The following LAMB1 variants were observed in gnomAD, a reference collection of about 807,000 sequenced individuals.
LAMB1 encodes the protein laminin subunit beta 1.
LAMB1 carries 121 observed loss-of-function variants against 222.3 expected under a neutral mutation model. That is an observed-to-expected ratio of 0.54 (90% CI 0.47 to 0.63). The LOEUF (loss-of-function observed/expected upper bound fraction) is 0.63. Ranked by LOEUF, LAMB1 falls within the 30% of genes least tolerant of loss-of-function variation. The pLI, the probability that LAMB1 is intolerant of heterozygous loss-of-function variation, is 0.00. For missense variants in LAMB1, 2,172 were observed against 2,240.8 expected (o/e 0.97, Z 0.62); for synonymous variants, 794 against 807.2 (o/e 0.98, Z 0.28).
intron 13 of LAMB1, among the ~76,000 whole-genome samples, chr7:107,965,821 C>A (rs573439067): frequency 6.6e-6 from 1 of 151,956 alleles, no homozygotes; most frequent in Non-Finnish European, 1.5e-5. Flanking sequence ...GTCCCAAGGC[C>A]GGGTGCGCAG....
chr7:107,940,624 A>G (rs757841510), intron 24 of LAMB1: 95 of 444,402 alleles, frequency 2.1e-4, no homozygotes, highest in Non-Finnish European at 3.3e-4. Flanking sequence ...CAATAACCCT[A>G]TGGGATACGT....
rs552061714 is a variant in LAMB1, at chr7:107,961,138, C to G, written c.2109+68G>C. 2.4e-5 allele frequency: 39 copies of G among 1,597,712 alleles called. No homozygotes were observed. The African/African-American group carries it at 5.2e-4, about 21-fold the overall frequency. On this transcript the variant is annotated intron_variant, in intron 17 of 33. Transcript: ENST00000222399. ...CTCAGCATTACCCCTCAACAAAACA[C>G]CCTGAGAGCAGCTGGGCACTTTCCG...
intron 5 of LAMB1, among the ~76,000 whole-genome samples, chr7:107,988,303 T>C (rs911303972): frequency 6.6e-6 from 1 of 152,206 alleles, no homozygotes; most frequent in African/African-American, 2.4e-5. Context: ...TAGTCACATG[T>C]GTGATGTCCA....
rs1294711421 is a variant in LAMB1, at chr7:107,985,998, A to T, written c.676+24T>A. The T allele has an allele frequency of 2.6e-6, 4 of 1,548,678 alleles. No homozygotes were observed. The Admixed American group carries it at 6.8e-5, about 26-fold the overall frequency. ...ACAAACAAACAAACTAACAAAAAACACTTTTGTTTGAAAATGAACTTACTC... is the reference window on the plus strand; with the variant it reads ...ACAAACAAACAAACTAACAAAAAACTCTTTTGTTTGAAAATGAACTTACTC... On this transcript the variant is annotated intron_variant, in intron 7 of 33. Transcript: ENST00000222399.
intron 26 of LAMB1, 45 bp from the exon 27 acceptor site, chr7:107,935,701 A>AGGC: frequency 6.3e-7 from 1 of 1,595,982 alleles, no homozygotes. Context: ...TCATCATACT[A>AGGC]GGCTTCCTCC....
chr7:107,941,989 G>C (rs1223614125), intron 24 of LAMB1: 2 of 135,406 alleles, frequency 1.5e-5, no homozygotes, highest in Non-Finnish European at 3.1e-5. Flanking sequence ...GCTGTGATTT[G>C]CCTCTGAAAA....
chr7:107,989,569 C>T (rs2034142491), intron 5 of LAMB1, among the ~76,000 whole-genome samples: 1 of 152,132 alleles, frequency 6.6e-6, no homozygotes, highest in African/African-American at 2.4e-5. Flanking sequence ...TATTTTTCAC[C>T]TACCCAGGAA....
In LAMB1 at chr7:107,963,472, T is replaced by A. The variant is rs548426567; in HGVS notation, c.1699-409A>T. On this transcript the variant is annotated intron_variant, in intron 14 of 33. Transcript: ENST00000222399. ...TTCTGTCTCTCATACTGGCATTAGT[T>A]TCAGGCTCCATTTTCAAGTGAAGAA... Among the ~76,000 whole-genome samples, 12 of 152,330 alleles carry A rather than the reference T, an allele frequency of 7.9e-5. No homozygotes were observed. The South Asian group carries it at 2.5e-3, about 32-fold the overall frequency.
At chr7:107,931,222 A>G (rs919536149) in intron 29 of LAMB1, 134 bp downstream of exon 29, 1 of 730,884 alleles carries the variant, frequency 1.4e-6, no homozygotes, top group Non-Finnish European at 2.2e-6. Context: ...AGAAGTGGAA[A>G]CATTTAATAT....
At chr7:107,971,911 G>A (rs1360061706) in intron 13 of LAMB1, among the ~76,000 whole-genome samples, 1 of 152,130 alleles carries the variant, frequency 6.6e-6, no homozygotes. Flanking sequence ...TCATCAAGAA[G>A]GACTTTAGGA....
chr7:107,969,952 T>C (rs2033713856), intron 13 of LAMB1, among the ~76,000 whole-genome samples: 1 of 152,224 alleles, frequency 6.6e-6, no homozygotes, highest in Admixed American at 6.5e-5. Flanking sequence ...TTCAATACAA[T>C]GATAAAAATA....
chr7:108,001,610 G>A lies in LAMB1; in HGVS notation c.161C>T (p.Ser54Leu). 1.9e-6 allele frequency: 3 copies of A among 1,613,036 alleles called. No homozygotes were observed. The highest frequency in any genetic ancestry group is 1.7e-6 in the Non-Finnish European group (2 of 1,179,776). ...TTCGGGCTTGTGCAGCCCGCACGTC[G>A]AGGTCACCGAAAGCTTCTGTGCTCG... Reference protein sequence around the residue: ...IGRAQKLSVTSTCGLHKPEPY... With the variant: ...IGRAQKLSVTLTCGLHKPEPY... Residue 54 changes from serine to leucine, a missense_variant, in exon 3 of 34, where the codon TCG becomes TTG. Ser to Leu is a moderately radical substitution (Grantham distance 145). Transcript: ENST00000222399.
At chr7:107,930,436 A>G (rs537981698) in intron 29 of LAMB1, among the ~76,000 whole-genome samples, 7 of 152,362 alleles carry the variant, frequency 4.6e-5, no homozygotes, top group African/African-American at 1.7e-4. Context: ...ACTCCTTATT[A>G]GCCATGCCTT....
intron 13 of LAMB1, among the ~76,000 whole-genome samples, chr7:107,965,248 T>C (rs1469816661): frequency 6.6e-6 from 1 of 152,218 alleles, no homozygotes; most frequent in Admixed American, 6.5e-5. Context: ...GCATCTTGTG[T>C]CTCTCTTCCC....
chr7:107,937,493 G>T, intron 25 of LAMB1, among the ~76,000 whole-genome samples: 1 of 152,152 alleles, frequency 6.6e-6, no homozygotes, highest in East Asian at 1.9e-4. Flanking sequence ...GAGAAACACA[G>T]AAGTACCACT....
At chr7:107,975,928 T>G (rs2033845540) in intron 9 of LAMB1, 51 bp from the exon 10 acceptor site, 1 of 1,510,982 alleles carries the variant, frequency 6.6e-7, no homozygotes, top group Non-Finnish European at 9.0e-7. Context: ...TATGGACCAA[T>G]GGAGGATGGG....
intron 3 of LAMB1, among the ~76,000 whole-genome samples, chr7:107,999,296 G>A (rs540202113): frequency 1.5e-4 from 23 of 152,316 alleles, no homozygotes; most frequent in African/African-American, 5.3e-4. Flanking sequence ...ATTCCATCAA[G>A]GCAAATCATA....
chr7:107,979,095 G>A (rs79597516), intron 8 of LAMB1, among the ~76,000 whole-genome samples: 15,607 of 152,198 alleles, frequency 0.1, 832 homozygotes, highest in Admixed American at 0.16. Flanking sequence ...ACCCTACTGG[G>A]CCTGAATCAA....
chr7:107,959,142 G>T, intron 20 of LAMB1, 107 bp downstream of exon 20: 1 of 853,624 alleles, frequency 1.2e-6, no homozygotes, highest in Non-Finnish European at 1.9e-6. Flanking sequence ...GGTCAGAAAT[G>T]AATGAGCGAG....
Sources: gnomAD v4.1 joint callset for allele counts (sites outside exome capture counted in the v4.1 genomes callset) on GRCh38, gnomAD v4.1.1 for gene constraint, MANE v1.5 for transcripts, NCBI Gene and HGNC (gene_info 2026-07-23, HGNC 2026-07-21) for gene names.